Variants in GRIA2 observed in about 807,000 individuals in gnomAD.
The protein encoded by GRIA2 is glutamate receptor 2.
In GRIA2, 14 loss-of-function variants were observed where a neutral mutation model predicts 97.3. The observed-to-expected ratio is 0.14, with a 90% CI of 0.10 to 0.23. The LOEUF is 0.23. Among genes scored for constraint, GRIA2 ranks in the 10% least tolerant of loss-of-function variants. GRIA2 has a pLI of 1.00. For synonymous variants in GRIA2, 412 were observed against 387.8 expected (o/e 1.06, Z -0.73); for missense variants, 558 against 1,069.8 (o/e 0.52, Z 6.67).
intron 11 of GRIA2, among the ~76,000 whole-genome samples, chr4:157,338,004 A>ATG (rs1261309889): frequency 1.1e-3 from 122 of 107,416 alleles, no homozygotes; most frequent in African/African-American, 4.0e-3. Flanking sequence ...GTGTATATAT[A>ATG]TGTGTATATA....
Position 157,220,920 on chromosome 4 carries a change from TG to T in GRIA2, c.-121del, listed in dbSNP as rs907418536. Reference sequence around the variant, plus strand: ...GCCTCCACTTCAGGTTTTAGCAGCTTGGTGCTAAATTGCTGTCTCAAAATGC... The same window carrying T: ...GCCTCCACTTCAGGTTTTAGCAGCTTGTGCTAAATTGCTGTCTCAAAATGC... On this transcript the variant is annotated 5_prime_UTR_variant, in exon 1 of 16. Transcript: ENST00000264426. 1.8e-5 allele frequency: 12 copies of T among 673,420 alleles called. No homozygotes were observed. The highest frequency in any genetic ancestry group is 3.2e-5 in the Non-Finnish European group (12 of 369,966). 41.7% of individuals were successfully genotyped at this position (673,420 alleles called of 1,614,324 possible).
At chr4:157,230,007 G>A (rs1729928355) in intron 2 of GRIA2, among the ~76,000 whole-genome samples, 2 of 152,176 alleles carry the variant, frequency 1.3e-5, no homozygotes, top group Middle Eastern at 6.8e-3. Flanking sequence ...GCTTGTTAAA[G>A]CATAGTAGAA....
chr4:157,257,087 C>A (rs990558943), intron 2 of GRIA2, among the ~76,000 whole-genome samples: 2 of 151,970 alleles, frequency 1.3e-5, no homozygotes, highest in African/African-American at 4.8e-5. Context: ...ATCAGTTATG[C>A]TTTCAAAATA....
chr4:157,290,573 T>C lies in GRIA2; in HGVS notation c.230-12979T>C, dbSNP rs1005752370. ...TGGAATAGAATAGCAATTTCATTCA[T>C]ATATAGATCCAGCAGGCATATTTTA... is the stretch of plus-strand genomic sequence containing the variant. On this transcript the variant is annotated intron_variant, in intron 2 of 15. Coordinates refer to ENST00000264426, the MANE Select transcript of GRIA2 (RefSeq NM_001083619.3). 2.0e-5 allele frequency among the ~76,000 whole-genome samples: 3 copies of C among 151,726 alleles called. No individual in the cohort carries two copies. The South Asian group carries it at 6.2e-4, about 31-fold the overall frequency.
At chr4:157,297,076 T>C (rs1389486426) in intron 2 of GRIA2, among the ~76,000 whole-genome samples, 1 of 152,134 alleles carries the variant, frequency 6.6e-6, no homozygotes, top group African/African-American at 2.4e-5. Context: ...GGGTTATATC[T>C]GCCATGAGAG....
At chr4:157,355,615 T>TATTTATATATATTA (rs1736225154) in intron 12 of GRIA2, among the ~76,000 whole-genome samples, 1 of 139,292 alleles carries the variant, frequency 7.2e-6, no homozygotes, top group Non-Finnish European at 1.5e-5. Flanking sequence ...TATATATATT[T>TATTTATATATATTA]ATTTATATAT....
At chr4:157,245,233 G>C (rs1403872293) in intron 2 of GRIA2, among the ~76,000 whole-genome samples, 1 of 151,894 alleles carries the variant, frequency 6.6e-6, no homozygotes, top group African/African-American at 2.4e-5. Context: ...ATTATTGTTT[G>C]TATTTTCAGG....
chr4:157,318,275 T>C (rs1464484278), intron 5 of GRIA2, among the ~76,000 whole-genome samples: 1 of 152,176 alleles, frequency 6.6e-6, no homozygotes, highest in Admixed American at 6.6e-5. Flanking sequence ...ATTCCTTTAA[T>C]TTTTAGCATA....
intron 12 of GRIA2, among the ~76,000 whole-genome samples, chr4:157,348,792 G>A (rs1482291110): frequency 6.6e-6 from 1 of 151,948 alleles, no homozygotes; most frequent in African/African-American, 2.4e-5. Context: ...AAAATTAGAG[G>A]CTTATATGAA....
chr4:157,252,333 G>A (rs1731054327), intron 2 of GRIA2, among the ~76,000 whole-genome samples: 3 of 152,098 alleles, frequency 2.0e-5, no homozygotes, highest in Non-Finnish European at 4.4e-5. Flanking sequence ...TTGAAGGAAT[G>A]ACTGATGAAC....
chr4:157,278,047 C>T (rs1413753553), intron 2 of GRIA2, among the ~76,000 whole-genome samples: 2 of 151,360 alleles, frequency 1.3e-5, no homozygotes, highest in African/African-American at 2.4e-5. Context: ...TTCATCCCAA[C>T]TTGATTTATA....
chr4:157,339,650 T>C (rs754582974), intron 11 of GRIA2, among the ~76,000 whole-genome samples: 8 of 151,886 alleles, frequency 5.3e-5, no homozygotes, highest in Non-Finnish European at 1.0e-4. Flanking sequence ...ACAAAAATGA[T>C]TCTTAAACGT....
intron 4 of GRIA2, among the ~76,000 whole-genome samples, chr4:157,317,455 C>T (rs41279337): frequency 0.12 from 18,564 of 151,802 alleles, 1,575 homozygotes; most frequent in Non-Finnish European, 0.18. Flanking sequence ...ATTTATTAAG[C>T]GTTAATATGT....
At chr4:157,223,382 G>A (rs1226494738) in intron 2 of GRIA2, among the ~76,000 whole-genome samples, 1 of 152,154 alleles carries the variant, frequency 6.6e-6, no homozygotes, top group Non-Finnish European at 1.5e-5. Context: ...AGAAGGGCGG[G>A]TGTGGGGGTA....
At chr4:157,323,383 C>T (rs571716311) in intron 6 of GRIA2, among the ~76,000 whole-genome samples, 1 of 127,478 alleles carries the variant, frequency 7.8e-6, no homozygotes, top group East Asian at 2.7e-4. Flanking sequence ...CTGTTTATAT[C>T]GGGGAGGTAC....
chr4:157,354,170 A>G (rs1458949446), intron 12 of GRIA2, among the ~76,000 whole-genome samples: 1 of 152,198 alleles, frequency 6.6e-6, no homozygotes, highest in Non-Finnish European at 1.5e-5. Context: ...ATTTTTATTG[A>G]CTTCAAGTAT....
At chr4:157,324,191 A>C (rs1241986373) in intron 6 of GRIA2, among the ~76,000 whole-genome samples, 1 of 152,184 alleles carries the variant, frequency 6.6e-6, no homozygotes, top group African/African-American at 2.4e-5. Context: ...TTCCAACTTT[A>C]ACATTTTATA....
intron 2 of GRIA2, among the ~76,000 whole-genome samples, chr4:157,283,518 C>T (rs1052060858): frequency 2.6e-5 from 4 of 151,536 alleles, no homozygotes; most frequent in Non-Finnish European, 5.9e-5. Context: ...TTAAATAAAC[C>T]CTTAATGAGC....
Position 157,320,946 on chromosome 4 carries a change from T to C in GRIA2, c.721-492T>C, listed in dbSNP as rs187909636. ...GGCTGAATGTGAAATTGTTTAATTG[T>C]TCTCAAATAATGACTGGACATTTAG... On this transcript the variant is annotated intron_variant, in intron 5 of 15. Coordinates refer to ENST00000264426, the MANE Select transcript of GRIA2 (RefSeq NM_001083619.3). Among the ~76,000 whole-genome samples, 91 of 152,260 alleles carry C rather than the reference T, an allele frequency of 6.0e-4. No homozygotes were observed. In the East Asian group the frequency reaches 0.011, roughly 18 times the overall value.
Sources: gnomAD v4.1 joint callset for allele counts (sites outside exome capture counted in the v4.1 genomes callset) on GRCh38, gnomAD v4.1.1 for gene constraint, MANE v1.5 for transcripts, NCBI Gene and HGNC (gene_info 2026-07-23, HGNC 2026-07-21) for gene names.